The following GRIK1 variants were observed in gnomAD, a reference collection of about 807,000 sequenced individuals.
GRIK1 encodes the protein glutamate receptor ionotropic, kainate 1.
In GRIK1, 69 loss-of-function variants were observed where a neutral mutation model predicts 105.7. The ratio of observed to expected loss-of-function variants is 0.65; its 90% confidence interval spans 0.54 to 0.80. GRIK1 has a LOEUF of 0.80. Ranked by LOEUF, GRIK1 falls within the 30% of genes least tolerant of loss-of-function variation. The pLI, the probability that GRIK1 is intolerant of heterozygous loss-of-function variation, is 0.00. For missense variants in GRIK1, 1,109 were observed against 1,167.3 expected, an observed-to-expected ratio of 0.95 and a Z score of 0.73; for synonymous variants, 438 against 431.3, an observed-to-expected ratio of 1.02 and a Z score of -0.19.
chr21:29,777,586 TAG>T (rs982271265), intron 1 of GRIK1, among the ~76,000 whole-genome samples: 16 of 152,094 alleles, frequency 1.1e-4, no homozygotes, highest in Non-Finnish European at 1.6e-4. Context: ...GTTTGGAGCA[TAG>T]AGTGTTAAGG....
At chr21:29,926,580 G>T (rs970931255) in intron 1 of GRIK1, among the ~76,000 whole-genome samples, 1 of 151,928 alleles carries the variant, frequency 6.6e-6, no homozygotes, top group Non-Finnish European at 1.5e-5. Context: ...ATCTTTAAAG[G>T]CTCTGCCTCG....
intron 1 of GRIK1, among the ~76,000 whole-genome samples, chr21:29,773,042 G>A (rs1272580956): frequency 2.0e-5 from 3 of 152,236 alleles, no homozygotes; most frequent in Middle Eastern, 3.4e-3. Flanking sequence ...GGGAGAGGAG[G>A]CTGATAAGGA....
In GRIK1 at chr21:29,537,364, T is replaced by C. The variant is rs755026850; in HGVS notation, c.2716A>G (p.Met906Val). Residue 906 changes from methionine (M) to valine (V), a missense_variant, in exon 18 of 18, where the codon ATG becomes GTG. Around this residue, in one of 5 missense-constraint regions of GRIK1, gnomAD observed 161 missense variants for 143.4 expected, o/e 1.12. Coordinates refer to ENST00000327783, the MANE Select transcript of GRIK1 (RefSeq NM_001330994.2). ...VEKCLSFNAI[M>V]EELGISLKNQ... Reference sequence around the variant, plus strand: ...TTCAGTGAGATTCCCAGTTCTTCCATGATAGCGTTGAAAGAGAGACACTAG... The same window carrying C: ...TTCAGTGAGATTCCCAGTTCTTCCACGATAGCGTTGAAAGAGAGACACTAG... 6.2e-7 allele frequency: 1 copy of C among 1,611,388 alleles called. No homozygotes were observed. The highest frequency in any genetic ancestry group is 1.3e-5 in the African/African-American group (1 of 74,790).
At chr21:29,749,736 T>C (rs184228886) in intron 1 of GRIK1, among the ~76,000 whole-genome samples, 3 of 152,352 alleles carry the variant, frequency 2.0e-5, no homozygotes, top group African/African-American at 7.2e-5. Flanking sequence ...GGAAGGATCA[T>C]ATTTTAAAGT....
In GRIK1 at chr21:29,797,133, G is replaced by A. The variant is rs552106796; in HGVS notation, c.119-103070C>T. On this transcript the variant is annotated intron_variant, in intron 1 of 17. Transcript: ENST00000327783. ...TGCCAGCAAGACAGTGTCCTTACCT[G>A]CAAAAAAAAGAGGAATGAAGCTCAG... Among the ~76,000 whole-genome samples, 3 of 152,188 alleles carry A rather than the reference G, an allele frequency of 2.0e-5. 1 individual carries two copies. Among genetic ancestry groups the A allele is most frequent in the African/African-American group, 7.2e-5 (3 of 41,528 alleles).
At chr21:29,622,711 C>T (rs2062034612) in intron 7 of GRIK1, among the ~76,000 whole-genome samples, 1 of 152,142 alleles carries the variant, frequency 6.6e-6, no homozygotes, top group Non-Finnish European at 1.5e-5. Flanking sequence ...TTGATTTCTC[C>T]TAGTTTCTTC....
intron 4 of GRIK1, among the ~76,000 whole-genome samples, chr21:29,656,171 G>C (rs2062843759): frequency 6.6e-6 from 1 of 151,406 alleles, no homozygotes; most frequent in Admixed American, 6.6e-5. Flanking sequence ...GACCATCCTG[G>C]TTAACACGGT....
intron 1 of GRIK1, among the ~76,000 whole-genome samples, chr21:29,712,614 A>G (rs1431521815): frequency 6.6e-6 from 1 of 152,158 alleles, no homozygotes; most frequent in African/African-American, 2.4e-5. Flanking sequence ...TATTACATTG[A>G]TTATTAATGT....
chr21:29,564,675 T>G (rs1035253854), intron 14 of GRIK1, among the ~76,000 whole-genome samples: 1 of 152,214 alleles, frequency 6.6e-6, no homozygotes, highest in African/African-American at 2.4e-5. Flanking sequence ...ATTTTCAATC[T>G]ATGGCAGACC....
chr21:29,558,652 G>A (rs972489033), intron 15 of GRIK1, among the ~76,000 whole-genome samples: 1 of 151,166 alleles, frequency 6.6e-6, no homozygotes, highest in Non-Finnish European at 1.5e-5. Flanking sequence ...CTTGGGTGAG[G>A]TTGGCCAAAA....
At chr21:29,570,801 C>G (rs1337235956) in intron 14 of GRIK1, among the ~76,000 whole-genome samples, 1 of 149,382 alleles carries the variant, frequency 6.7e-6, no homozygotes, top group South Asian at 2.1e-4. Context: ...CAACATAAGC[C>G]TTAATAAGCA....
chr21:29,554,528 AT>A (rs1276814021), intron 16 of GRIK1, among the ~76,000 whole-genome samples: 2 of 152,144 alleles, frequency 1.3e-5, no homozygotes, highest in East Asian at 3.9e-4. Context: ...TGTTTATGAC[AT>A]TCCTGGCAAA....
intron 1 of GRIK1, among the ~76,000 whole-genome samples, chr21:29,730,426 G>A (rs970853029): frequency 6.6e-6 from 1 of 152,136 alleles, no homozygotes; most frequent in African/African-American, 2.4e-5. Context: ...GTATTTATGT[G>A]TCTCAATATT....
At chr21:29,842,495 T>G (rs1239008484) in intron 1 of GRIK1, among the ~76,000 whole-genome samples, 1 of 152,166 alleles carries the variant, frequency 6.6e-6, no homozygotes, top group East Asian at 1.9e-4. Context: ...GTCCTCATAT[T>G]TTGGAGTTAA....
intron 1 of GRIK1, among the ~76,000 whole-genome samples, chr21:29,762,572 AG>A (rs2065555303): frequency 6.6e-6 from 1 of 152,224 alleles, no homozygotes; most frequent in African/African-American, 2.4e-5. Flanking sequence ...ATAACTTTTC[AG>A]GGGCTCATGC....
rs114402870 is a variant in GRIK1, at chr21:29,807,145, A to G, written c.119-113082T>C. Reference sequence around the variant, plus strand: ...CATGATGTCTTAAGTCTGTCTCAACAATTCTTCAAGGGATGAGTTAAAGCT... The same window carrying G: ...CATGATGTCTTAAGTCTGTCTCAACGATTCTTCAAGGGATGAGTTAAAGCT... On this transcript the variant is annotated intron_variant, in intron 1 of 17. Coordinates refer to ENST00000327783, the MANE Select transcript of GRIK1 (RefSeq NM_001330994.2). Among the ~76,000 whole-genome samples, 975 of 152,278 alleles carry G rather than the reference A, an allele frequency of 6.4e-3. 16 individuals are homozygous for G. The highest frequency in any genetic ancestry group is 0.022 in the African/African-American group (928 of 41,552).
intron 1 of GRIK1, among the ~76,000 whole-genome samples, chr21:29,710,482 G>A (rs942956222): frequency 1.3e-5 from 2 of 152,036 alleles, no homozygotes; most frequent in African/African-American, 4.8e-5. Context: ...AGCTCTGAAT[G>A]CTTCTGTCAA....
At chr21:29,769,051 A>G (rs1464657610) in intron 1 of GRIK1, among the ~76,000 whole-genome samples, 1 of 152,126 alleles carries the variant, frequency 6.6e-6, no homozygotes, top group East Asian at 1.9e-4. Context: ...TGATTATTAT[A>G]TTTGCTAGAT....
At chr21:29,661,181 G>T (rs146950544) in intron 4 of GRIK1, among the ~76,000 whole-genome samples, 33 of 152,168 alleles carry the variant, frequency 2.2e-4, no homozygotes, top group Admixed American at 7.2e-4. Flanking sequence ...ATCTACAAAA[G>T]TAATAGTGGA....
Sources: gnomAD v4.1 joint callset for allele counts (sites outside exome capture counted in the v4.1 genomes callset) on GRCh38, gnomAD v4.1.1 for gene constraint, gnomAD v4.1.1 regional missense constraint, MANE v1.5 for transcripts, NCBI Gene and HGNC (gene_info 2026-07-23, HGNC 2026-07-21) for gene names.